Variants in FSTL5 observed in about 807,000 individuals in gnomAD.
The protein encoded by FSTL5 is follistatin like 5, also known as follistatin-related protein 5.
Under a neutral mutation model 89.1 loss-of-function variants are expected in FSTL5, and 62 were observed. The ratio of observed to expected loss-of-function variants is 0.70; its 90% CI spans 0.57 to 0.86. FSTL5 has a LOEUF of 0.86. FSTL5 is among the 40% of genes least tolerant of loss of function. The probability of loss-of-function intolerance (pLI) is 0.00; values close to 1 mark genes in which losing one functional copy is unlikely to be tolerated. For missense variants in FSTL5, 1,057 were observed against 1,001.6 expected, an observed-to-expected ratio of 1.06 and a Z score of -0.75; for synonymous variants, 383 against 346.2, an observed-to-expected ratio of 1.11 and a Z score of -1.18.
At chr4:162,143,719 CACACA>C in intron 1 of FSTL5, among the ~76,000 whole-genome samples, 1 of 2,478 alleles carries the variant, frequency 4.0e-4, no homozygotes, top group African/African-American at 8.0e-4. Flanking sequence ...TCTGACTTTA[CACACA>C]CACACACACA....
intron 4 of FSTL5, among the ~76,000 whole-genome samples, chr4:161,883,635 AAAATTTTATC>A (rs1157881612): frequency 6.6e-6 from 1 of 152,216 alleles, no homozygotes; most frequent in Non-Finnish European, 1.5e-5. Context: ...TTATTTAAAT[AAAATTTTATC>A]AGGTACCTAT....
chr4:161,913,297 G>A lies in FSTL5; in HGVS notation c.409+7107C>T, dbSNP rs937376010. Among the ~76,000 whole-genome samples the A allele has an allele frequency of 5.8e-4, 89 of 152,174 alleles. 1 individual carries two copies. Among genetic ancestry groups the A allele is most frequent in the Admixed American group, 5.9e-4 (9 of 15,284 alleles). On this transcript the variant is annotated intron_variant, in intron 4 of 15. Coordinates refer to ENST00000306100, the MANE Select transcript of FSTL5 (RefSeq NM_020116.5). ...TGGCAGCCGCTTCCATCACAGGCCC[G>A]GAGGCCCAGGAAGAAAAAGTGGTTT...
At chr4:162,118,337 T>G (rs1731727747) in intron 1 of FSTL5, among the ~76,000 whole-genome samples, 1 of 152,136 alleles carries the variant, frequency 6.6e-6, no homozygotes, top group Non-Finnish European at 1.5e-5. Context: ...CTCGGCTCAC[T>G]GCAAGCTCCG....
intron 15 of FSTL5, among the ~76,000 whole-genome samples, chr4:161,419,917 G>C (rs1731923860): frequency 6.6e-6 from 1 of 152,188 alleles, no homozygotes; most frequent in South Asian, 2.1e-4. Flanking sequence ...AGCTGAAGAG[G>C]AAGTTAAAAC....
At chr4:161,944,861 T>C (rs1228058696) in intron 3 of FSTL5, among the ~76,000 whole-genome samples, 2 of 151,584 alleles carry the variant, frequency 1.3e-5, no homozygotes, top group African/African-American at 2.4e-5. Flanking sequence ...TAATTAGCTA[T>C]AGATTTATAT....
In FSTL5 at chr4:161,512,133, A is replaced by G. The variant is rs368489845; in HGVS notation, c.1313-1709T>C. On this transcript the variant is annotated intron_variant, in intron 10 of 15. Coordinates refer to ENST00000306100, the MANE Select transcript of FSTL5 (RefSeq NM_020116.5). Reference sequence around the variant, plus strand: ...AAGTCTGCACACACAATGCAAAAGAAGTGGATTTTTTTGTAGTTTTAGGAA... The same window carrying G: ...AAGTCTGCACACACAATGCAAAAGAGGTGGATTTTTTTGTAGTTTTAGGAA... 3.3e-5 allele frequency among the ~76,000 whole-genome samples: 5 copies of G among 152,246 alleles called. No individual in the cohort carries two copies. In the East Asian group the frequency reaches 5.8e-4, roughly 18 times the overall value.
At chr4:161,536,436 CT>C (rs1041280606) in intron 10 of FSTL5, among the ~76,000 whole-genome samples, 1 of 152,040 alleles carries the variant, frequency 6.6e-6, no homozygotes. Context: ...TTTTGGTTTT[CT>C]TTTGTTATAC....
intron 7 of FSTL5, among the ~76,000 whole-genome samples, chr4:161,640,949 T>C (rs1735936916): frequency 6.6e-6 from 1 of 152,202 alleles, no homozygotes; most frequent in Non-Finnish European, 1.5e-5. Context: ...AGTACAATTG[T>C]TTGCAGCTAT....
intron 10 of FSTL5, among the ~76,000 whole-genome samples, chr4:161,533,470 A>G (rs937361719): frequency 5.9e-5 from 9 of 152,084 alleles, no homozygotes; most frequent in Non-Finnish European, 1.2e-4. Flanking sequence ...TTAGAAAATC[A>G]AGATGAAACG....
chr4:162,038,540 T>C (rs993886955), intron 2 of FSTL5, among the ~76,000 whole-genome samples: 1 of 151,910 alleles, frequency 6.6e-6, no homozygotes, highest in African/African-American at 2.4e-5. Flanking sequence ...TGTAAGTGGT[T>C]CTGAAGCATC....
intron 8 of FSTL5, among the ~76,000 whole-genome samples, chr4:161,562,259 A>G (rs913878110): frequency 1.3e-5 from 2 of 152,018 alleles, no homozygotes; most frequent in African/African-American, 4.8e-5. Context: ...GAAATTGGGA[A>G]GTGTGAGTTC....
chr4:161,483,860 G>A (rs1353666928), intron 12 of FSTL5, among the ~76,000 whole-genome samples: 1 of 152,034 alleles, frequency 6.6e-6, no homozygotes, highest in Non-Finnish European at 1.5e-5. Flanking sequence ...TTACAGAAAT[G>A]TATACTAACA....
chr4:162,130,027 G>T (rs183152500), intron 1 of FSTL5, among the ~76,000 whole-genome samples: 1 of 152,228 alleles, frequency 6.6e-6, no homozygotes, highest in Admixed American at 6.5e-5. Context: ...AGCCTAGAGG[G>T]ATAAAGTCCA....
At chr4:162,050,426 A>G (rs1218871060) in intron 2 of FSTL5, among the ~76,000 whole-genome samples, 1 of 151,012 alleles carries the variant, frequency 6.6e-6, no homozygotes, top group Non-Finnish European at 1.5e-5. Context: ...TTAGGAATAA[A>G]AGGAACAAAA....
At chr4:161,401,110 G>GA in intron 15 of FSTL5, among the ~76,000 whole-genome samples, 1 of 152,270 alleles carries the variant, frequency 6.6e-6, no homozygotes, top group Middle Eastern at 3.4e-3. Flanking sequence ...GCAAACTGAT[G>GA]AAAAGGTATA....
At chr4:162,045,313 G>T (rs1285812067) in intron 2 of FSTL5, among the ~76,000 whole-genome samples, 2 of 152,066 alleles carry the variant, frequency 1.3e-5, no homozygotes, top group Non-Finnish European at 2.9e-5. Flanking sequence ...GTAACAGCCG[G>T]TCTGGCAGAG....
chr4:161,693,769 G>A (rs1340528027), intron 6 of FSTL5, among the ~76,000 whole-genome samples: 2 of 150,804 alleles, frequency 1.3e-5, no homozygotes, highest in African/African-American at 2.4e-5. Context: ...CTCCCGAGTA[G>A]CTGGGACTAC....
intron 6 of FSTL5, among the ~76,000 whole-genome samples, chr4:161,706,702 T>A (rs2126735441): frequency 6.6e-6 from 1 of 152,178 alleles, no homozygotes; most frequent in East Asian, 1.9e-4. Flanking sequence ...CTAACAAAAG[T>A]GATTTTTAGA....
At chr4:161,830,875 G>A (rs561534117) in intron 4 of FSTL5, among the ~76,000 whole-genome samples, 23 of 151,938 alleles carry the variant, frequency 1.5e-4, no homozygotes, top group Non-Finnish European at 2.7e-4. Context: ...GTTAGAATTA[G>A]AACGTATTGC....
Sources: allele counts gnomAD v4.1 joint callset (sites outside exome capture counted in the v4.1 genomes callset), GRCh38; gene constraint gnomAD v4.1.1; transcripts MANE v1.5; gene names NCBI Gene and HGNC (gene_info 2026-07-23, HGNC 2026-07-21).